PPP4R3A: variants seen among roughly 807,000 people sequenced by gnomAD.
PPP4R3A encodes the protein protein phosphatase 4 regulatory subunit 3A.
A neutral mutation model predicts 91.7 loss-of-function variants in PPP4R3A; 15 were observed. That is an observed-to-expected ratio of 0.16 (90% CI 0.11 to 0.25). The LOEUF is 0.25. Among genes scored for constraint, PPP4R3A ranks in the 10% least tolerant of loss-of-function variants. The probability of loss-of-function intolerance (pLI) is 1.00; values close to 1 mark genes in which losing one functional copy is unlikely to be tolerated. For missense variants in PPP4R3A, 623 were observed against 998.4 expected (o/e 0.62, Z 5.07); for synonymous variants, 377 against 348.7 (o/e 1.08, Z -0.91).
intron 7 of PPP4R3A, among the ~76,000 whole-genome samples, chr14:91,473,635 G>A (rs985358933): frequency 2.0e-4 from 31 of 152,184 alleles, no homozygotes; most frequent in African/African-American, 7.2e-4. Context: ...TTTTAGTTTG[G>A]TGATAATATA....
At position 91,461,501 on chromosome 14, in the gene PPP4R3A, G is replaced by A. The variant is rs1452411477; in HGVS notation, c.2271C>T (p.Thr757=). The part of the protein sequence containing the change: ...SLSSGTKTNL[T]SQSSTTNLPG... ...GCAGATTTGTTGTAGATGACTGGCT[G>A]GTGAGGTTAGTCTTCGTTCCACTGG... The change falls in exon 14 of 15, where the codon ACC becomes ACT. Residue 757 remains threonine, a synonymous_variant. Coordinates refer to ENST00000554943, the MANE Select transcript of PPP4R3A (RefSeq NM_001366432.2). The A allele has an allele frequency of 1.2e-6, 2 of 1,614,042 alleles. No homozygotes were observed. Among genetic ancestry groups the A allele is most frequent in the African/African-American group, 2.7e-5 (2 of 74,906 alleles).
At chr14:91,474,233 A>C (rs1334872382) in intron 7 of PPP4R3A, among the ~76,000 whole-genome samples, 1 of 152,222 alleles carries the variant, frequency 6.6e-6, no homozygotes, top group Admixed American at 6.5e-5. Context: ...AGTGCAGAGA[A>C]CAAATGGATT....
chr14:91,507,234 T>C (rs190225189), intron 1 of PPP4R3A, among the ~76,000 whole-genome samples: 80 of 151,008 alleles, frequency 5.3e-4, no homozygotes, highest in Admixed American at 1.3e-3. Flanking sequence ...GGTAGGAGAA[T>C]TGCTTGAACT....
rs1889170117 is a variant in PPP4R3A at position 91,475,822 on chromosome 14, T to C, written c.1255A>G (p.Ile419Val). 3.1e-6 allele frequency: 5 copies of C among 1,613,544 alleles called. No homozygotes were observed. The African/African-American group carries it at 4.0e-5, about 13-fold the overall frequency. ...DVSKKLTEQK[I>V]TSKDILLINL... Reference sequence around the variant, plus strand: ...CAAATAATATTTACCTTGCTGGTTATTTTTTGCTCTGTTAACTTCTTACTT... The same window carrying C: ...CAAATAATATTTACCTTGCTGGTTACTTTTTGCTCTGTTAACTTCTTACTT... The change falls in exon 7 of 15, where the codon ATA (isoleucine) becomes GTA (valine). Residue 419 changes from isoleucine to valine, a missense_variant. Physicochemically the swap from Ile to Val is conservative, Grantham distance 29. Coordinates refer to ENST00000554943, the MANE Select transcript of PPP4R3A (RefSeq NM_001366432.2).
chr14:91,498,848 A>G (rs1890753346), intron 1 of PPP4R3A, among the ~76,000 whole-genome samples: 1 of 147,414 alleles, frequency 6.8e-6, no homozygotes, highest in Non-Finnish European at 1.5e-5. Context: ...CGGGAGGCGG[A>G]GCTTGCAGTG....
intron 13 of PPP4R3A, 63 bp from the exon 14 acceptor site, chr14:91,461,670 A>AGTGTTACCTCATTTG: frequency 6.7e-7 from 1 of 1,487,508 alleles, no homozygotes; most frequent in Non-Finnish European, 9.2e-7. Flanking sequence ...TCCCCAAATG[A>AGTGTTACCTCATTTG]GGTAACACTA....
chr14:91,476,265 G>A, intron 6 of PPP4R3A, 143 bp downstream of exon 6: 1 of 740,130 alleles, frequency 1.4e-6, no homozygotes, highest in South Asian at 1.8e-5. Flanking sequence ...GTCTAATATT[G>A]GAATTTTACA....
At position 91,465,247 on chromosome 14, in the gene PPP4R3A, T is replaced by C. The variant is rs1272463263; in HGVS notation, c.1830+3A>G. On this transcript the variant is annotated splice_donor_region_variant and intron_variant, in intron 11 of 14. Transcript: ENST00000554943. ...AAATTCTAATTAAAAATACAGAACC[T>C]ACCACTCTAATAAATTCAAACATCT... is the stretch of plus-strand genomic sequence containing the variant. 6.5e-7 allele frequency: 1 copy of C among 1,540,956 alleles called. No homozygotes were observed.
chr14:91,458,882 A>C lies in PPP4R3A; in HGVS notation c.2392-13T>G, dbSNP rs371749795. 2.2e-4 allele frequency: 348 copies of C among 1,590,632 alleles called. No homozygotes were observed. Among genetic ancestry groups the C allele is most frequent in the Non-Finnish European group, 2.7e-4 (318 of 1,169,432 alleles). ...CCACGAGGCCTCCCTGTTAAGAAAT[A>C]AGGATTATTTAAAGAACAGAAAATA... On this transcript the variant is annotated splice_polypyrimidine_tract_variant and intron_variant, in intron 14 of 14. Transcript: ENST00000554943.
intron 1 of PPP4R3A, among the ~76,000 whole-genome samples, chr14:91,495,127 T>C (rs934180895): frequency 1.3e-5 from 2 of 152,116 alleles, no homozygotes; most frequent in Non-Finnish European, 2.9e-5. Flanking sequence ...AACTTGTACA[T>C]TTATATTCAC....
intron 9 of PPP4R3A, among the ~76,000 whole-genome samples, 166 bp downstream of exon 9, chr14:91,472,867 A>C (rs1035773482): frequency 1.2e-4 from 18 of 152,126 alleles, no homozygotes; most frequent in Admixed American, 2.6e-4. Context: ...TAAGACCTCT[A>C]TGTTAACCTG....
rs1888163289 is a variant in PPP4R3A, at chr14:91,461,568, T to C, written c.2204A>G (p.Asn735Ser). 1 of 1,614,094 alleles carries C rather than the reference T, an allele frequency of 6.2e-7. No individual in the cohort carries two copies. ...SEEKEVLLKT[N>S]LSGRQSPSFK... ...ACTTGGGCTCTGCCGTCCAGAAAGG[T>C]TTGTTTTCAGAAGCACTTCCTTTTC... is the stretch of plus-strand genomic sequence containing the variant. The change falls in exon 14 of 15, where the codon AAC becomes AGC. Residue 735 changes from asparagine (N) to serine (S), a missense_variant. Transcript: ENST00000554943.
chr14:91,465,350 C>T lies in PPP4R3A; in HGVS notation c.1730G>A (p.Ser577Asn). 2 of 1,608,452 alleles carry T rather than the reference C, an allele frequency of 1.2e-6. No individual in the cohort carries two copies. Among genetic ancestry groups the T allele is most frequent in the South Asian group, 1.1e-5 (1 of 89,574 alleles). ...DEFYNRYIMK[S>N]FLFEPVVKAF... ...TTTCACTACTGGTTCAAACAAAAAA[C>T]TTTTCATTATGTAGCGGTTGTAAAA... is the stretch of plus-strand genomic sequence containing the variant. Residue 577 changes from serine (S) to asparagine (N), a missense_variant, in exon 11 of 15, where the codon AGT becomes AAT. Physicochemically the swap from Ser to Asn is conservative, Grantham distance 46. Coordinates refer to ENST00000554943, the MANE Select transcript of PPP4R3A (RefSeq NM_001366432.2).
chr14:91,504,325 T>TAA lies in PPP4R3A; in HGVS notation c.142+5179_142+5180dup, dbSNP rs35776205. ...CATGGGCAACAGAGCTCTTAAAAAT[T>TAA]AAAAAAAAAAAAAAAAGAAAAGAAA... is the stretch of plus-strand genomic sequence containing the variant. On this transcript the variant is annotated intron_variant, in intron 1 of 14. Coordinates refer to ENST00000554943, the MANE Select transcript of PPP4R3A (RefSeq NM_001366432.2). Among the ~76,000 whole-genome samples the TAA allele has an allele frequency of 2.9e-3, 334 of 115,018 alleles. 3 individuals carry two copies. Among genetic ancestry groups the TAA allele is most frequent in the East Asian group, 0.026 (116 of 4,494 alleles). The allele number at this position is 115,018 out of a possible 152,430, so 75.5% of individuals were successfully genotyped here.
intron 7 of PPP4R3A, chr14:91,475,025 G>A (rs1889095042): frequency 6.6e-6 from 1 of 151,364 alleles, no homozygotes; most frequent in Non-Finnish European, 1.5e-5. Context: ...TTCCTATTTC[G>A]TAAAAATACC....
At chr14:91,476,870 G>T (rs750435454) in intron 5 of PPP4R3A, 39 bp downstream of exon 5, 2 of 1,525,676 alleles carry the variant, frequency 1.3e-6, no homozygotes, top group South Asian at 2.4e-5. Flanking sequence ...CCGGCCAGTT[G>T]TTTTATTTTT....
chr14:91,457,650 T>A lies in PPP4R3A; in HGVS notation c.*1109A>T, dbSNP rs1320885895. On this transcript the variant is annotated 3_prime_UTR_variant, in exon 15 of 15. Coordinates refer to ENST00000554943, the MANE Select transcript of PPP4R3A (RefSeq NM_001366432.2). ...CACTTTTCTTTTTATTATTCAAAAG[T>A]CAAATGTTTTTAAATCATCCATCCT... is the stretch of plus-strand genomic sequence containing the variant. 6.6e-6 allele frequency: 1 copy of A among 152,596 alleles called. No individual in the cohort carries two copies. The highest frequency in any genetic ancestry group is 1.9e-4 in the East Asian group (1 of 5,202). The allele number at this position is 152,596 out of a possible 1,614,324, so 9.5% of individuals were successfully genotyped here. A position where few individuals can be genotyped will look rare whatever the true frequency, so the allele number is the denominator to read the frequency against.
chr14:91,506,470 G>C lies in PPP4R3A; in HGVS notation c.142+3036C>G, dbSNP rs78848529. On this transcript the variant is annotated intron_variant, in intron 1 of 14. Coordinates refer to ENST00000554943, the MANE Select transcript of PPP4R3A (RefSeq NM_001366432.2). ...AATTTTGACTTATTATCCCTATTTA[G>C]ATGTGACAAGAAATGTTAATCATCG... Among the ~76,000 whole-genome samples, 62 of 152,284 alleles carry C rather than the reference G, an allele frequency of 4.1e-4. No homozygotes were observed. The East Asian group carries it at 0.012, about 29-fold the overall frequency.
chr14:91,501,895 G>A (rs1412072967), intron 1 of PPP4R3A, among the ~76,000 whole-genome samples: 1 of 44,524 alleles, frequency 2.2e-5, no homozygotes, highest in African/African-American at 8.2e-5. Context: ...TTTTTTTTTT[G>A]GTATTTTTAG....
Sources: gnomAD v4.1 joint callset for allele counts (sites outside exome capture counted in the v4.1 genomes callset) on GRCh38, gnomAD v4.1.1 for gene constraint, MANE v1.5 for transcripts, NCBI Gene and HGNC (gene_info 2026-07-23, HGNC 2026-07-21) for gene names.